Variants in GRAMD4 observed in about 807,000 individuals in gnomAD.
GRAMD4 encodes the protein GRAM domain-containing protein 4.
Under a neutral mutation model 83.9 loss-of-function variants are expected in GRAMD4, and 25 were observed. The observed-to-expected ratio is 0.30, with a 90% CI of 0.22 to 0.42. GRAMD4 has a LOEUF of 0.42. Ranked by LOEUF, GRAMD4 falls within the 10% of genes least tolerant of loss-of-function variation. The pLI, the probability that GRAMD4 is intolerant of heterozygous loss-of-function variation, is 1.00. For synonymous variants in GRAMD4, 336 were observed against 320.9 expected (o/e 1.05, Z -0.50); for missense variants, 593 against 788.7 (o/e 0.75, Z 2.97).
chr22:46,584,432 G>A (rs920840058), intron 1 of GRAMD4, among the ~76,000 whole-genome samples: 3 of 152,116 alleles, frequency 2.0e-5, no homozygotes, highest in Admixed American at 6.5e-5. Flanking sequence ...GTGAGTTCGC[G>A]CCGCTGATGA....
intron 1 of GRAMD4, among the ~76,000 whole-genome samples, chr22:46,578,718 C>T (rs1445263728): frequency 2.0e-5 from 3 of 152,174 alleles, no homozygotes; most frequent in Admixed American, 6.5e-5. Context: ...AGCTGGGACT[C>T]CCCAGATGAG....
Position 46,672,765 on chromosome 22 carries a change from G to C in GRAMD4, c.1085-78G>C. The C allele has an allele frequency of 8.5e-7, 1 of 1,176,928 alleles. No homozygotes were observed. Among genetic ancestry groups the C allele is most frequent in the East Asian group, 2.4e-5 (1 of 42,394 alleles). 72.9% of individuals were successfully genotyped at this position (1,176,928 alleles called of 1,614,324 possible). A position where few individuals can be genotyped will look rare whatever the true frequency, so the allele number is the denominator to read the frequency against. On this transcript the variant is annotated intron_variant, in intron 13 of 18. Coordinates refer to ENST00000406902, the MANE Select transcript of GRAMD4 (RefSeq NM_015124.5). This position sits in a 1 kb window ranked among gnomAD's most constrained non-coding sequence, Gnocchi z 4.7. Reference sequence around the variant, plus strand: ...AGGGTGCCAATCTGGGAGGTGGGAGGTGCCGGAACCATCACCCTGAGTAGA... The same window carrying C: ...AGGGTGCCAATCTGGGAGGTGGGAGCTGCCGGAACCATCACCCTGAGTAGA...
chr22:46,678,954 C>A lies in GRAMD4; in HGVS notation c.*1703C>A. On this transcript the variant is annotated 3_prime_UTR_variant, in exon 19 of 19. Transcript: ENST00000406902. Reference sequence around the variant, plus strand: ...AGGATGACCACACGGCGGCCTTTCCCGAATGGGGACAGAACCCGCTCTGAG... The same window carrying A: ...AGGATGACCACACGGCGGCCTTTCCAGAATGGGGACAGAACCCGCTCTGAG... The A allele has an allele frequency of 2.0e-5, 20 of 985,746 alleles. No individual in the cohort carries two copies. The highest frequency in any genetic ancestry group is 2.4e-5 in the Non-Finnish European group (20 of 829,976). The allele number at this position is 985,746 out of a possible 1,614,324, so 61.1% of individuals were successfully genotyped here. A position where few individuals can be genotyped will look rare whatever the true frequency, so the allele number is the denominator to read the frequency against.
chr22:46,597,414 AG>A (rs2081271991), intron 1 of GRAMD4, among the ~76,000 whole-genome samples: 1 of 152,196 alleles, frequency 6.6e-6, no homozygotes, highest in Admixed American at 6.5e-5. Flanking sequence ...TTTGGGTGGT[AG>A]TTACCTCTCC....
chr22:46,591,269 C>A (rs1405974724), intron 1 of GRAMD4, among the ~76,000 whole-genome samples: 1 of 152,154 alleles, frequency 6.6e-6, no homozygotes, highest in Non-Finnish European at 1.5e-5. Flanking sequence ...GTAGTCCCAG[C>A]ACTTTGAGAG....
chr22:46,661,144 A>G (rs770764642), intron 4 of GRAMD4, among the ~76,000 whole-genome samples: 4 of 152,230 alleles, frequency 2.6e-5, no homozygotes, highest in Non-Finnish European at 5.9e-5. Flanking sequence ...GAAAGGAAAG[A>G]GTGGTGAAAG....
chr22:46,620,581 C>A lies in GRAMD4; in HGVS notation c.-50+16C>A. 2.6e-5 allele frequency: 1 copy of A among 38,778 alleles called. No homozygotes were observed. Among genetic ancestry groups the A allele is most frequent in the Non-Finnish European group, 3.6e-5 (1 of 28,114 alleles). 2.4% of individuals were successfully genotyped at this position (38,778 alleles called of 1,614,324 possible). On this transcript the variant is annotated intron_variant, in intron 1 of 18. Coordinates refer to ENST00000406902, the MANE Select transcript of GRAMD4 (RefSeq NM_015124.5). This position sits in a 1 kb window ranked among gnomAD's most constrained non-coding sequence, Gnocchi z 4.7. ...ACAGACGGAGGTAGGGGGCAGGGGG[C>A]AGGGGGCAGGGGGACATGGTAGGGC...
chr22:46,615,598 T>G (rs1463890395), upstream of GRAMD4, among the ~76,000 whole-genome samples: 5 of 115,200 alleles, frequency 4.3e-5, no homozygotes, highest in South Asian at 3.5e-4. Flanking sequence ...GGTTCCCCCG[T>G]GTGTAGGTTC....
chr22:46,662,953 C>A, intron 5 of GRAMD4, 87 bp from the exon 6 acceptor site: 2 of 1,294,618 alleles, frequency 1.5e-6, no homozygotes, highest in South Asian at 1.4e-5. Flanking sequence ...TGCAGTGAGG[C>A]CCCTCCCTGC....
At chr22:46,604,602 G>C (rs1209863483) in intron 1 of GRAMD4, among the ~76,000 whole-genome samples, 2 of 152,146 alleles carry the variant, frequency 1.3e-5, no homozygotes, top group Non-Finnish European at 2.9e-5. Context: ...CTGTCTCTGT[G>C]CATTTGACTC....
At chr22:46,643,077 A>G (rs1212338271) in intron 3 of GRAMD4, among the ~76,000 whole-genome samples, 54 of 150,540 alleles carry the variant, frequency 3.6e-4, no homozygotes, top group Admixed American at 7.9e-4. Flanking sequence ...CCATCCATCT[A>G]TCCATTTATC....
intron 8 of GRAMD4, among the ~76,000 whole-genome samples, chr22:46,664,977 G>T (rs1368387029): frequency 6.6e-6 from 1 of 152,198 alleles, no homozygotes. Context: ...ACAGATGAAG[G>T]CTGGGTGCTG....
At chr22:46,661,353 C>A in intron 4 of GRAMD4, 28 bp from the exon 5 acceptor site, 1 of 1,600,358 alleles carries the variant, frequency 6.2e-7, no homozygotes, top group South Asian at 1.1e-5. Context: ...TAACAGACCT[C>A]TTGTCTCTTC....
At chr22:46,673,110 A>C in intron 14 of GRAMD4, 113 bp downstream of exon 14, 1 of 860,872 alleles carries the variant, frequency 1.2e-6, no homozygotes, top group Non-Finnish European at 1.7e-6. Flanking sequence ...TGTTTCTTCA[A>C]TTTTATAGAC....
chr22:46,652,329 C>CA (rs1434998739), intron 3 of GRAMD4, among the ~76,000 whole-genome samples: 1 of 152,144 alleles, frequency 6.6e-6, no homozygotes, highest in African/African-American at 2.4e-5. Flanking sequence ...ACAGGAGCCT[C>CA]AGGAAGCTGG....
intron 2 of GRAMD4, among the ~76,000 whole-genome samples, chr22:46,631,318 C>CA (rs1448452867): frequency 6.6e-6 from 1 of 152,240 alleles, no homozygotes; most frequent in Non-Finnish European, 1.5e-5. Context: ...TGTCACACGC[C>CA]AGCTCCCTGG....
chr22:46,591,843 A>AC (rs2081211711), intron 1 of GRAMD4, among the ~76,000 whole-genome samples: 2 of 149,916 alleles, frequency 1.3e-5, no homozygotes, highest in Non-Finnish European at 3.0e-5. Context: ...AAAAAAAAAA[A>AC]AAAAAAAAAC....
chr22:46,579,948 T>C (rs771770083), intron 1 of GRAMD4, among the ~76,000 whole-genome samples: 13 of 152,288 alleles, frequency 8.5e-5, no homozygotes, highest in Non-Finnish European at 1.5e-4. Flanking sequence ...GGGCGTGTGC[T>C]GGCTGGGAGG....
intron 10 of GRAMD4, among the ~76,000 whole-genome samples, 165 bp downstream of exon 10, chr22:46,667,038 C>G (rs956291474): frequency 3.9e-5 from 6 of 152,234 alleles, no homozygotes; most frequent in Non-Finnish European, 8.8e-5. Context: ...CAGCCCCTCC[C>G]TAGCCCCAAG....
Sources: gnomAD v4.1 joint callset for allele counts (sites outside exome capture counted in the v4.1 genomes callset) on GRCh38, gnomAD v4.1.1 for gene constraint, Gnocchi (gnomAD v3.1) non-coding constraint, MANE v1.5 for transcripts, NCBI Gene and HGNC (gene_info 2026-07-23, HGNC 2026-07-21) for gene names.